PMM2: variants seen among roughly 807,000 people sequenced by gnomAD.
The protein encoded by PMM2 is phosphomannomutase 2.
A neutral mutation model predicts 33.2 loss-of-function variants in PMM2; 35 were observed. The observed-to-expected ratio is 1.06, with a 90% CI of 0.81 to 1.40. The LOEUF (loss-of-function observed/expected upper bound fraction) is 1.40, where lower values mean the gene tolerates loss of function less well. PMM2 is among the 40% of genes most tolerant of loss of function. PMM2 has a pLI of 0.00. For synonymous variants in PMM2, 153 were observed against 114.7 expected (o/e 1.33, Z -2.13); for missense variants, 386 against 306.0 (o/e 1.26, Z -1.95).
At chr16:8,810,824 A>G (rs1012686546) in intron 4 of PMM2, 4 of 527,872 alleles carry the variant, frequency 7.6e-6, no homozygotes, top group Non-Finnish European at 1.0e-5. Flanking sequence ...AAGTCAATAT[A>G]CAACATGATT....
At chr16:8,802,866 G>A (rs910017509) in intron 2 of PMM2, among the ~76,000 whole-genome samples, 1 of 151,756 alleles carries the variant, frequency 6.6e-6, no homozygotes, top group African/African-American at 2.4e-5. Context: ...AGAGGTGGAT[G>A]AATTGATTGT....
In PMM2 at chr16:8,801,589, G is replaced by A. The variant is rs184132339; in HGVS notation, c.67-210G>A. On this transcript the variant is annotated intron_variant, in intron 1 of 7. Coordinates refer to ENST00000268261, the MANE Select transcript of PMM2 (RefSeq NM_000303.3). Reference sequence around the variant, plus strand: ...AGGAGGCAGAGATAGGAGGATCACCGGAGTCCAGGGAGGTCGAGGCTGCGA... The same window carrying A: ...AGGAGGCAGAGATAGGAGGATCACCAGAGTCCAGGGAGGTCGAGGCTGCGA... 5.3e-5 allele frequency among the ~76,000 whole-genome samples: 8 copies of A among 152,196 alleles called. No individual in the cohort carries two copies. The South Asian group carries it at 8.3e-4, about 16-fold the overall frequency.
chr16:8,830,160 G>A (rs766688356), intron 7 of PMM2, among the ~76,000 whole-genome samples: 2 of 152,204 alleles, frequency 1.3e-5, no homozygotes, highest in Non-Finnish European at 2.9e-5. Flanking sequence ...TCAGCCCCCA[G>A]TCGAAGAGAA....
rs1276338176 is a variant in PMM2 at position 8,849,261 on chromosome 16, T to G, written c.*1436T>G. The G allele has an allele frequency of 6.6e-6, 1 of 152,278 alleles. No individual in the cohort carries two copies. The highest frequency in any genetic ancestry group is 1.5e-5 in the Non-Finnish European group (1 of 68,054). The allele number at this position is 152,278 out of a possible 1,614,324, so 9.4% of individuals were successfully genotyped here. On this transcript the variant is annotated 3_prime_UTR_variant, in exon 8 of 8. Transcript: ENST00000268261. ...CACAGCCATCCAGCGGCATCTTTCC[T>G]TGTCGAATGATACTGTAATGACCTT...
intron 7 of PMM2, among the ~76,000 whole-genome samples, chr16:8,843,614 G>T (rs937947229): frequency 6.6e-6 from 1 of 152,152 alleles, no homozygotes; most frequent in African/African-American, 2.4e-5. Context: ...AAGTTCTTGT[G>T]TGCTGGAGAT....
In PMM2 at chr16:8,811,176, A is replaced by G. The variant is rs141808258; in HGVS notation, c.445A>G (p.Lys149Glu). Residue 149 changes from lysine to glutamate, a missense_variant and splice_region_variant, in exon 5 of 8, where the codon AAA becomes GAA. Lys to Glu is a moderately conservative substitution (Grantham distance 56). Coordinates refer to ENST00000268261, the MANE Select transcript of PMM2 (RefSeq NM_000303.3). ...EERIEFYELD[K>E]KENIRQKFVA... The stretch of plus-strand genomic sequence containing the variant: ...ACGCATTGAGTTCTACGAACTCGAT[A>G]AAGTACGTCTTTCTGAAATATCTTT... The G allele has an allele frequency of 6.5e-6, 10 of 1,541,178 alleles. No individual in the cohort carries two copies. The African/African-American group carries it at 1.4e-4, about 21-fold the overall frequency.
In PMM2 at chr16:8,849,177, G is replaced by A. The variant is rs750545597; in HGVS notation, c.*1352G>A. The A allele has an allele frequency of 6.6e-6, 1 of 151,582 alleles. No homozygotes were observed. Among genetic ancestry groups the A allele is most frequent in the Non-Finnish European group, 1.5e-5 (1 of 68,074 alleles). The allele number at this position is 151,582 out of a possible 1,614,324, so 9.4% of individuals were successfully genotyped here. A position where few individuals can be genotyped will look rare whatever the true frequency, so the allele number is the denominator to read the frequency against. On this transcript the variant is annotated 3_prime_UTR_variant, in exon 8 of 8. Transcript: ENST00000268261. The stretch of plus-strand genomic sequence containing the variant: ...CTCCCAGCCACTCGGGCTTGTAACT[G>A]TCTGAGCCCCGGATCCGGTGGGGTG...
At chr16:8,822,010 G>A (rs1343022737) in intron 7 of PMM2, among the ~76,000 whole-genome samples, 1 of 152,242 alleles carries the variant, frequency 6.6e-6, no homozygotes, top group Non-Finnish European at 1.5e-5. Context: ...CAAGACAGGA[G>A]AGTTGCAGTA....
At chr16:8,845,580 T>TTCTG (rs2060920062) in intron 7 of PMM2, among the ~76,000 whole-genome samples, 1 of 151,562 alleles carries the variant, frequency 6.6e-6, no homozygotes, top group Non-Finnish European at 1.5e-5. Context: ...GCCTTTGGTT[T>TTCTG]TTTGTTTGTT....
chr16:8,830,269 A>T (rs2141036655), intron 7 of PMM2, among the ~76,000 whole-genome samples: 1 of 152,310 alleles, frequency 6.6e-6, no homozygotes, highest in South Asian at 2.1e-4. Context: ...GAGATCACAG[A>T]TGAGCCCCCA....
chr16:8,831,984 C>T, intron 7 of PMM2: 1 of 245,566 alleles, frequency 4.1e-6, no homozygotes, highest in Non-Finnish European at 6.5e-6. Context: ...TGGCTGAGTT[C>T]CCCAACTAGA....
intron 7 of PMM2, among the ~76,000 whole-genome samples, chr16:8,821,898 C>T (rs913185778): frequency 3.3e-5 from 5 of 152,254 alleles, no homozygotes; most frequent in African/African-American, 1.2e-4. Flanking sequence ...CAGGGAGAGC[C>T]ACTACTGCTC....
intron 7 of PMM2, among the ~76,000 whole-genome samples, chr16:8,845,588 GTTTT>G (rs148669369): frequency 1.3e-5 from 2 of 150,408 alleles, no homozygotes; most frequent in Admixed American, 1.3e-4. Flanking sequence ...TTTTTTGTTT[GTTTT>G]TTTTTCTTTT....
intron 7 of PMM2, among the ~76,000 whole-genome samples, chr16:8,846,275 A>G (rs537520692): frequency 1.3e-5 from 2 of 152,316 alleles, no homozygotes; most frequent in Middle Eastern, 3.4e-3. Flanking sequence ...ATTCTTTTAA[A>G]GGATGTCAGA....
At position 8,821,334 on chromosome 16, in the gene PMM2, C is replaced by T. The variant is rs146126397; in HGVS notation, c.639+8228C>T. Among the ~76,000 whole-genome samples, 583 of 152,300 alleles carry T rather than the reference C, an allele frequency of 3.8e-3. 9 individuals are homozygous for T. Among genetic ancestry groups the T allele is most frequent in the African/African-American group, 0.013 (557 of 41,568 alleles). ...AGCAGGGTGTCATGCATGGGAGCCA[C>T]GAGCTTCAGATGTTCCTGCTAGCCC... On this transcript the variant is annotated intron_variant, in intron 7 of 7. Transcript: ENST00000268261.
chr16:8,843,749 GT>G, intron 7 of PMM2, among the ~76,000 whole-genome samples: 1 of 152,302 alleles, frequency 6.6e-6, no homozygotes, highest in East Asian at 1.9e-4. Context: ...AATTTTTGGA[GT>G]TTTATTTAAT....
chr16:8,829,685 C>CG (rs974704007), intron 7 of PMM2, among the ~76,000 whole-genome samples: 2 of 152,138 alleles, frequency 1.3e-5, no homozygotes, highest in African/African-American at 4.8e-5. Context: ...GATGGAAGAG[C>CG]GGATGGTCAC....
intron 7 of PMM2, among the ~76,000 whole-genome samples, chr16:8,841,436 A>C (rs2060890260): frequency 6.8e-6 from 1 of 146,590 alleles, no homozygotes; most frequent in African/African-American, 2.5e-5. Context: ...GAGTGAAGCT[A>C]ATTTGCCAGT....
At chr16:8,812,240 A>G (rs1001360459) in intron 6 of PMM2, among the ~76,000 whole-genome samples, 5 of 152,244 alleles carry the variant, frequency 3.3e-5, no homozygotes, top group African/African-American at 1.2e-4. Context: ...TTGTTTACAC[A>G]GCCAGTGTGT....
Sources: gnomAD v4.1 joint callset for allele counts (sites outside exome capture counted in the v4.1 genomes callset) on GRCh38, gnomAD v4.1.1 for gene constraint, MANE v1.5 for transcripts, NCBI Gene and HGNC (gene_info 2026-07-23, HGNC 2026-07-21) for gene names.